Variants in TRIM55 observed in about 807,000 individuals in gnomAD.
The protein encoded by TRIM55 is tripartite motif-containing protein 55.
Under a neutral mutation model 60.9 loss-of-function variants are expected in TRIM55, and 50 were observed. The observed-to-expected ratio is 0.82, with a 90% CI of 0.65 to 1.04. The LOEUF (loss-of-function observed/expected upper bound fraction) is 1.04. Ranked by LOEUF, TRIM55 falls within the 50% of genes least tolerant of loss-of-function variation. The pLI is 0.00. For synonymous variants in TRIM55, 237 were observed against 238.1 expected, an observed-to-expected ratio of 1.00 and a Z score of 0.04; for missense variants, 681 against 666.9, an observed-to-expected ratio of 1.02 and a Z score of -0.23.
intron 7 of TRIM55, 129 bp downstream of exon 7, chr8:66,150,595 A>T (rs1810360904): frequency 9.5e-7 from 1 of 1,055,528 alleles, no homozygotes; most frequent in Admixed American, 2.3e-5. Flanking sequence ...CAAGGATCAT[A>T]TCCAATGTGA....
At chr8:66,151,885 TAAATAAATA>T (rs1374004808) in intron 7 of TRIM55, among the ~76,000 whole-genome samples, 135 of 148,092 alleles carry the variant, frequency 9.1e-4, no homozygotes, top group African/African-American at 3.0e-3. Context: ...AATAAATAAA[TAAATAAATA>T]AAAGAGTCGT....
At chr8:66,142,536 C>T (rs763814312) in intron 4 of TRIM55, among the ~76,000 whole-genome samples, 108 of 152,196 alleles carry the variant, frequency 7.1e-4, no homozygotes, top group Non-Finnish European at 1.3e-3. Context: ...CCCACCTGGC[C>T]CTCAGCCCTT....
At chr8:66,157,840 C>A (rs1360486469) in intron 9 of TRIM55, among the ~76,000 whole-genome samples, 1 of 152,166 alleles carries the variant, frequency 6.6e-6, no homozygotes, top group African/African-American at 2.4e-5. Context: ...CTTCTCTCTT[C>A]ACCCAAGTAC....
chr8:66,115,053 A>G, the TRIM55 span: 8 of 153,756 alleles, frequency 5.2e-5, no homozygotes, highest in African/African-American at 1.9e-4. Context: ...CTGGTAATAA[A>G]ATCTCCCTAT....
At chr8:66,148,924 C>T (rs1810253114) in intron 4 of TRIM55, among the ~76,000 whole-genome samples, 1 of 152,124 alleles carries the variant, frequency 6.6e-6, no homozygotes, top group African/African-American at 2.4e-5. Flanking sequence ...TGGCAGGTGC[C>T]TGTAATTCTA....
intron 7 of TRIM55, among the ~76,000 whole-genome samples, chr8:66,152,044 A>G (rs1810458973): frequency 6.6e-6 from 1 of 152,180 alleles, no homozygotes; most frequent in Non-Finnish European, 1.5e-5. Context: ...ATAAGTGACA[A>G]TCCCAGGCCT....
At chr8:66,143,956 G>T (rs532681419) in intron 4 of TRIM55, among the ~76,000 whole-genome samples, 1 of 152,328 alleles carries the variant, frequency 6.6e-6, no homozygotes, top group South Asian at 2.1e-4. Flanking sequence ...ACAGTGGTAT[G>T]ATGGTGCTTT....
intron 4 of TRIM55, among the ~76,000 whole-genome samples, chr8:66,141,816 A>T (rs555325993): frequency 3.0e-4 from 46 of 152,356 alleles, no homozygotes; most frequent in African/African-American, 1.1e-3. Context: ...TTGCAGTGAT[A>T]ACAAATTCAT....
At chr8:66,164,485 G>T (rs1204520589) in intron 9 of TRIM55, among the ~76,000 whole-genome samples, 9 of 152,164 alleles carry the variant, frequency 5.9e-5, no homozygotes, top group Non-Finnish European at 1.3e-4. Flanking sequence ...AACTGCAGAG[G>T]CCACCTGTCA....
At chr8:66,165,703 A>G (rs1406516992) in intron 9 of TRIM55, among the ~76,000 whole-genome samples, 1 of 152,220 alleles carries the variant, frequency 6.6e-6, no homozygotes, top group East Asian at 1.9e-4. Context: ...TTTCAACTTG[A>G]TAACAATAGA....
At chr8:66,134,796 C>T (rs1455025175) in intron 2 of TRIM55, among the ~76,000 whole-genome samples, 194 bp from the exon 3 acceptor site, 1 of 152,126 alleles carries the variant, frequency 6.6e-6, no homozygotes, top group Non-Finnish European at 1.5e-5. Context: ...CCAGCACTCC[C>T]CTGCTACACC....
rs1811850194 is a variant in TRIM55, at chr8:66,175,126, G to A, written c.*533G>A. ...AGTTTTCCTCTTTTGCATAACAGAT[G>A]TCACTGGATGTACATTCAGAAATGT... On this transcript the variant is annotated 3_prime_UTR_variant, in exon 10 of 10. Coordinates refer to ENST00000315962, the MANE Select transcript of TRIM55 (RefSeq NM_184085.2). 1 of 152,638 alleles carries A rather than the reference G, an allele frequency of 6.6e-6. No homozygotes were observed. Among genetic ancestry groups the A allele is most frequent in the Non-Finnish European group, 1.5e-5 (1 of 68,040 alleles). 9.5% of individuals were successfully genotyped at this position (152,638 alleles called of 1,614,324 possible).
In TRIM55 at chr8:66,154,272, G is replaced by A. The variant is rs770146015; in HGVS notation, c.1462G>A (p.Ala488Thr). Reference sequence around the variant, plus strand: ...ACGGAAGGCAGAAGTGGCAGCAGCCGCAGCGAGTGAGAGGGCAGCTGTGAG... The same window carrying A: ...ACGGAAGGCAGAAGTGGCAGCAGCCACAGCGAGTGAGAGGGCAGCTGTGAG... ...NVRKAEVAAA[A>T]ASERAAVSGK... The change falls in exon 9 of 10, where the codon GCA becomes ACA. Residue 488 changes from alanine to threonine, a missense_variant. Physicochemically the swap from Ala to Thr is moderately conservative, Grantham distance 58. Coordinates refer to ENST00000315962, the MANE Select transcript of TRIM55 (RefSeq NM_184085.2). 1.4e-5 allele frequency: 23 copies of A among 1,614,136 alleles called. No individual in the cohort carries two copies. The highest frequency in any genetic ancestry group is 4.5e-5 in the East Asian group (2 of 44,876).
intron 4 of TRIM55, among the ~76,000 whole-genome samples, chr8:66,149,021 C>T (rs1810258149): frequency 6.6e-6 from 1 of 152,104 alleles, no homozygotes; most frequent in South Asian, 2.1e-4. Flanking sequence ...TGTACTCTAG[C>T]GTGGGCAACA....
intron 9 of TRIM55, among the ~76,000 whole-genome samples, chr8:66,158,828 A>C (rs1314704607): frequency 6.6e-6 from 1 of 152,162 alleles, no homozygotes; most frequent in Non-Finnish European, 1.5e-5. Context: ...CTCCCTAGGC[A>C]CTCATTTAGC....
Position 66,150,330 on chromosome 8 carries a change from T to A in TRIM55, c.861-12T>A. On this transcript the variant is annotated splice_polypyrimidine_tract_variant and intron_variant, in intron 6 of 9. Coordinates refer to ENST00000315962, the MANE Select transcript of TRIM55 (RefSeq NM_184085.2). ...AACAGTGACAGAAAGTGGCAACTTG[T>A]CTTTGTTGCAGAATCTCGGAAGCAT... The A allele has an allele frequency of 6.2e-7, 1 of 1,614,202 alleles. No individual in the cohort carries two copies. Among genetic ancestry groups the A allele is most frequent in the African/African-American group, 1.3e-5 (1 of 75,068 alleles).
At chr8:66,140,847 A>G (rs970848914) in intron 4 of TRIM55, among the ~76,000 whole-genome samples, 1 of 152,186 alleles carries the variant, frequency 6.6e-6, no homozygotes, top group Non-Finnish European at 1.5e-5. Context: ...CTGAGAAGCT[A>G]TGAGTGGTTC....
intron 4 of TRIM55, among the ~76,000 whole-genome samples, chr8:66,137,657 G>A (rs1269605557): frequency 6.6e-6 from 1 of 151,534 alleles, no homozygotes; most frequent in South Asian, 2.1e-4. Context: ...TGTAGTTAGA[G>A]AATGGCTCAG....
At position 66,158,298 on chromosome 8, in the gene TRIM55, A is replaced by G. The variant is rs540792778; in HGVS notation, c.1524+3964A>G. Among the ~76,000 whole-genome samples, 12 of 152,320 alleles carry G rather than the reference A, an allele frequency of 7.9e-5. No individual in the cohort carries two copies. The East Asian group carries it at 2.1e-3, about 27-fold the overall frequency. On this transcript the variant is annotated intron_variant, in intron 9 of 9. Coordinates refer to ENST00000315962, the MANE Select transcript of TRIM55 (RefSeq NM_184085.2). ...TAGAACCACAGCTCAGTATTTCACC[A>G]GAACACAAAGTTGCAGTGATAAGAG...
Sources: allele counts gnomAD v4.1 joint callset (sites outside exome capture counted in the v4.1 genomes callset), GRCh38; gene constraint gnomAD v4.1.1; transcripts MANE v1.5; gene names NCBI Gene and HGNC (gene_info 2026-07-23, HGNC 2026-07-21).